MANBA: variants seen among roughly 807,000 people sequenced by gnomAD.
MANBA encodes beta-mannosidase.
Under a neutral mutation model 111.1 loss-of-function variants are expected in MANBA, and 83 were observed. That is an observed-to-expected ratio of 0.75 (90% CI 0.63 to 0.90). The LOEUF is 0.90. Ranked by LOEUF, MANBA falls within the 40% of genes least tolerant of loss-of-function variation. MANBA has a pLI of 0.00. For synonymous variants in MANBA, 370 were observed against 378.7 expected (o/e 0.98, Z 0.27); for missense variants, 1,036 against 1,069.0 (o/e 0.97, Z 0.43).
chr4:102,722,754 G>T, intron 4 of MANBA, 117 bp downstream of exon 4: 1 of 1,023,722 alleles, frequency 9.8e-7, no homozygotes, highest in Non-Finnish European at 1.5e-6. Flanking sequence ...CCCACTAAGG[G>T]ATCAGGAAAG....
At chr4:102,651,527 G>T (rs1489946360) in intron 12 of MANBA, among the ~76,000 whole-genome samples, 1 of 152,112 alleles carries the variant, frequency 6.6e-6, no homozygotes, top group East Asian at 1.9e-4. Context: ...GAAGACAATT[G>T]CTGGCTACAT....
In MANBA at chr4:102,733,414, C is replaced by T. The variant is rs562450836; in HGVS notation, c.178-6731G>A. ...TGTCACCCAGGCTGGAGTGCAGTGG[C>T]ACAACCATGGTTCACTACAGCCTCA... On this transcript the variant is annotated intron_variant, in intron 1 of 16. Coordinates refer to ENST00000647097, the MANE Select transcript of MANBA (RefSeq NM_005908.4). 1.1e-4 allele frequency among the ~76,000 whole-genome samples: 16 copies of T among 151,370 alleles called. 1 individual carries two copies. In the South Asian group the frequency reaches 3.1e-3, roughly 30 times the overall value.
chr4:102,686,103 G>T (rs1342761140), intron 7 of MANBA, among the ~76,000 whole-genome samples: 1 of 152,048 alleles, frequency 6.6e-6, no homozygotes, highest in Admixed American at 6.6e-5. Flanking sequence ...CAACATATGG[G>T]TCCTAAATCT....
At chr4:102,754,894 T>C (rs536521977) in intron 1 of MANBA, among the ~76,000 whole-genome samples, 1 of 152,176 alleles carries the variant, frequency 6.6e-6, no homozygotes, top group South Asian at 2.1e-4. Flanking sequence ...TATAAAAGTG[T>C]ATGCATTAAA....
At position 102,635,014 on chromosome 4, in the gene MANBA, G is replaced by A; in HGVS notation, c.2189C>T (p.Pro730Leu). The change falls in exon 16 of 17, where the codon CCC becomes CTC. Residue 730 changes from proline (P) to leucine (L), a missense_variant. By Grantham distance (98) the Pro-to-Leu change is moderately conservative. Transcript: ENST00000647097. ...ACGTTCAGTCACACGAGAGCACACG[G>A]GCTCCAGGGAGCTCCATGTATGGAC... is the stretch of plus-strand genomic sequence containing the variant. The part of the protein sequence containing the change: ...VRVHTWSSLE[P>L]VCSRVTERFV... 1 of 1,614,120 alleles carries A rather than the reference G, an allele frequency of 6.2e-7. No homozygotes were observed. Among genetic ancestry groups the A allele is most frequent in the African/African-American group, 1.3e-5 (1 of 75,034 alleles).
chr4:102,729,445 G>T, intron 1 of MANBA: 2 of 1,274,402 alleles, frequency 1.6e-6, no homozygotes, highest in Non-Finnish European at 2.3e-6. Context: ...CAGCACCACA[G>T]ATGTGTCCGA....
At chr4:102,684,174 T>C (rs1311975599) in intron 7 of MANBA, among the ~76,000 whole-genome samples, 1 of 151,260 alleles carries the variant, frequency 6.6e-6, no homozygotes, top group African/African-American at 2.4e-5. Flanking sequence ...GAAACAAAGA[T>C]ATAAAACTGA....
At chr4:102,758,646 G>A (rs914103897) in intron 1 of MANBA, among the ~76,000 whole-genome samples, 1 of 150,372 alleles carries the variant, frequency 6.7e-6, no homozygotes, top group South Asian at 2.1e-4. Flanking sequence ...GGGCTCAAAC[G>A]ATCCTCCCAC....
At chr4:102,662,416 C>T (rs1399006291) in intron 11 of MANBA, among the ~76,000 whole-genome samples, 2 of 151,482 alleles carry the variant, frequency 1.3e-5, no homozygotes, top group African/African-American at 2.4e-5. Context: ...GGTGCATGCC[C>T]GTAATCCCAG....
intron 1 of MANBA, among the ~76,000 whole-genome samples, chr4:102,750,692 C>T (rs184845283): frequency 2.1e-3 from 321 of 152,216 alleles, no homozygotes; most frequent in African/African-American, 7.2e-3. Flanking sequence ...GTGGGAATAT[C>T]GCTTGAGCCT....
intron 1 of MANBA, among the ~76,000 whole-genome samples, chr4:102,743,691 C>T (rs1391354705): frequency 6.6e-6 from 1 of 152,166 alleles, no homozygotes; most frequent in African/African-American, 2.4e-5. Context: ...TGAGGGAATG[C>T]TGCTGTACAC....
At chr4:102,669,467 G>C (rs1262979732) in intron 9 of MANBA, among the ~76,000 whole-genome samples, 1 of 152,168 alleles carries the variant, frequency 6.6e-6, no homozygotes, top group African/African-American at 2.4e-5. Context: ...GCTTTTCATA[G>C]ACAAAAGGAT....
chr4:102,722,797 T>G lies in MANBA; in HGVS notation c.549+74A>C, dbSNP rs1371926316. ...TAACTTCTGAAATGCCATGGGAGTC[T>G]TCAAATAAGCATTTCATATGCCAGC... On this transcript the variant is annotated intron_variant, in intron 4 of 16. Transcript: ENST00000647097. 3.4e-6 allele frequency: 5 copies of G among 1,474,820 alleles called. No homozygotes were observed. The African/African-American group carries it at 6.9e-5, about 20-fold the overall frequency. 91.4% of individuals were successfully genotyped at this position (1,474,820 alleles called of 1,614,324 possible). A position where few individuals can be genotyped will look rare whatever the true frequency, so the allele number is the denominator to read the frequency against.
At chr4:102,635,369 C>T (rs1047506002) in intron 15 of MANBA, among the ~76,000 whole-genome samples, 1 of 152,154 alleles carries the variant, frequency 6.6e-6, no homozygotes, top group Non-Finnish European at 1.5e-5. Context: ...TTATTAGTGT[C>T]CTCCAAACTA....
intron 7 of MANBA, among the ~76,000 whole-genome samples, chr4:102,681,342 A>AAAT (rs1731968167): frequency 6.6e-6 from 1 of 152,086 alleles, no homozygotes; most frequent in Admixed American, 6.6e-5. Flanking sequence ...AAAAAGAACA[A>AAAT]AATAATAATA....
Position 102,669,052 on chromosome 4 carries a change from A to G in MANBA, c.1231-3T>C, listed in dbSNP as rs1465037496. ...GCAAACATAAAATCCTGCCATACCTAGCAAATCAAATAAAAGGGAATGCAA... is the reference window on the plus strand; with the variant it reads ...GCAAACATAAAATCCTGCCATACCTGGCAAATCAAATAAAAGGGAATGCAA... On this transcript the variant is annotated splice_polypyrimidine_tract_variant and splice_region_variant and intron_variant, in intron 9 of 16. Transcript: ENST00000647097. 2 of 1,606,442 alleles carry G rather than the reference A, an allele frequency of 1.2e-6. No individual in the cohort carries two copies. Among genetic ancestry groups the G allele is most frequent in the Non-Finnish European group, 1.7e-6 (2 of 1,173,676 alleles).
chr4:102,669,091 T>A, intron 9 of MANBA, 42 bp from the exon 10 acceptor site: 1 of 1,402,358 alleles, frequency 7.1e-7, no homozygotes, highest in Non-Finnish European at 1.0e-6. Context: ...TTCCATAAGT[T>A]TTATTACACA....
At chr4:102,651,219 TA>T (rs1164913901) in intron 12 of MANBA, among the ~76,000 whole-genome samples, 2 of 152,088 alleles carry the variant, frequency 1.3e-5, no homozygotes, top group Non-Finnish European at 2.9e-5. Context: ...TCTCAGTGAT[TA>T]CTAAATGAAA....
intron 1 of MANBA, among the ~76,000 whole-genome samples, chr4:102,726,979 G>C (rs780966161): frequency 6.6e-6 from 1 of 152,224 alleles, no homozygotes; most frequent in Non-Finnish European, 1.5e-5. Context: ...GTTTCACCAT[G>C]TTGGCCAAGC....
Sources: allele counts gnomAD v4.1 joint callset (sites outside exome capture counted in the v4.1 genomes callset), GRCh38; gene constraint gnomAD v4.1.1; transcripts MANE v1.5; gene names NCBI Gene and HGNC (gene_info 2026-07-23, HGNC 2026-07-21).